The following NIPAL2 variants were observed in gnomAD, a reference collection of about 807,000 sequenced individuals.
NIPAL2 encodes the protein NIPA like domain containing 2, also known as NIPA-like protein 2.
In NIPAL2, 43 loss-of-function variants were observed where a neutral mutation model predicts 48.9. The ratio of observed to expected loss-of-function variants is 0.88; its 90% CI spans 0.69 to 1.13. NIPAL2 has a LOEUF of 1.13. NIPAL2 is among the 50% of genes most tolerant of loss of function. The pLI, the probability that NIPAL2 is intolerant of heterozygous loss-of-function variation, is 0.00. For missense variants in NIPAL2, 446 were observed against 461.4 expected (o/e 0.97, Z 0.31); for synonymous variants, 167 against 174.6 (o/e 0.96, Z 0.34).
At chr8:98,285,377 A>C (rs1035677213) in intron 1 of NIPAL2, among the ~76,000 whole-genome samples, 1 of 152,218 alleles carries the variant, frequency 6.6e-6, no homozygotes, top group African/African-American at 2.4e-5. Flanking sequence ...CTTTGGGAAC[A>C]CTAAGCCTGG....
intron 1 of NIPAL2, among the ~76,000 whole-genome samples, chr8:98,264,862 A>G (rs1814607548): frequency 6.6e-6 from 1 of 151,968 alleles, no homozygotes; most frequent in Admixed American, 6.6e-5. Context: ...GAGGCATCAC[A>G]CTACCTGACT....
intron 1 of NIPAL2, among the ~76,000 whole-genome samples, chr8:98,274,265 C>G (rs1815330072): frequency 6.6e-6 from 1 of 151,782 alleles, no homozygotes; most frequent in Non-Finnish European, 1.5e-5. Context: ...ATCTATCTAT[C>G]TATCTCTCTA....
At chr8:98,215,832 G>A (rs1811551075) in intron 5 of NIPAL2, among the ~76,000 whole-genome samples, 1 of 152,076 alleles carries the variant, frequency 6.6e-6, no homozygotes, top group Non-Finnish European at 1.5e-5. Flanking sequence ...TTTGATGTAA[G>A]CCTTGAAGGA....
chr8:98,206,776 CAAA>C (rs11290720), intron 6 of NIPAL2, among the ~76,000 whole-genome samples: 13 of 99,554 alleles, frequency 1.3e-4, no homozygotes, highest in East Asian at 2.9e-4. Flanking sequence ...GACTCTGTCT[CAAA>C]AAAAAAAAAA....
chr8:98,236,330 A>G (rs1812714096), intron 3 of NIPAL2, 116 bp from the exon 4 acceptor site: 1 of 615,964 alleles, frequency 1.6e-6, no homozygotes, highest in Non-Finnish European at 2.8e-6. Flanking sequence ...TGTCCTGATC[A>G]GAGACATTCA....
intron 5 of NIPAL2, among the ~76,000 whole-genome samples, chr8:98,213,619 C>G (rs1319040262): frequency 2.0e-5 from 3 of 150,246 alleles, no homozygotes; most frequent in Admixed American, 2.0e-4. Context: ...TTTTTTTTTT[C>G]CTAGTTCTTT....
intron 4 of NIPAL2, 108 bp from the exon 5 acceptor site, chr8:98,222,708 C>A (rs1415564327): frequency 7.4e-6 from 8 of 1,082,478 alleles, no homozygotes; most frequent in South Asian, 1.5e-5. Context: ...GCCAATCGCC[C>A]CTCCCTATTA....
intron 5 of NIPAL2, among the ~76,000 whole-genome samples, chr8:98,219,460 A>G (rs538054930): frequency 6.6e-6 from 1 of 152,278 alleles, no homozygotes; most frequent in Admixed American, 6.5e-5. Context: ...AGCAAGGAGG[A>G]CAGAGGTTCC....
intron 1 of NIPAL2, among the ~76,000 whole-genome samples, chr8:98,283,039 A>G (rs1017284915): frequency 1.3e-5 from 2 of 152,242 alleles, no homozygotes; most frequent in Non-Finnish European, 2.9e-5. Context: ...AACACAGTAC[A>G]TCATTGCTAT....
intron 6 of NIPAL2, among the ~76,000 whole-genome samples, chr8:98,208,950 A>AT (rs1811174335): frequency 6.6e-6 from 1 of 152,170 alleles, no homozygotes; most frequent in Non-Finnish European, 1.5e-5. Flanking sequence ...AAACGTACTA[A>AT]TGCTCATTTA....
chr8:98,280,038 C>G (rs891876810), intron 1 of NIPAL2, among the ~76,000 whole-genome samples: 1 of 152,156 alleles, frequency 6.6e-6, no homozygotes, highest in African/African-American at 2.4e-5. Context: ...CTTTTATTAG[C>G]CAGAATGATC....
chr8:98,264,884 T>C (rs887308899), intron 1 of NIPAL2, among the ~76,000 whole-genome samples: 8 of 151,770 alleles, frequency 5.3e-5, no homozygotes, highest in Admixed American at 4.6e-4. Context: ...CAAACTATAC[T>C]ACCAGGCTAC....
At chr8:98,253,928 G>T in intron 2 of NIPAL2, 91 bp downstream of exon 2, 1 of 695,314 alleles carries the variant, frequency 1.4e-6, no homozygotes, top group South Asian at 2.3e-5. Context: ...GGAGAAAAGA[G>T]CCACAAAGAC....
rs977716789 is a variant in NIPAL2, at chr8:98,240,648, A to G, written c.377-4434T>C. On this transcript the variant is annotated intron_variant, in intron 3 of 10. Coordinates refer to ENST00000430223, the MANE Select transcript of NIPAL2 (RefSeq NM_001321635.2). ...GCTGTCTTCAACTCATCCTTACTTCATTATTCTTAAGGAAATGCTCTATTG... is the reference window on the plus strand; with the variant it reads ...GCTGTCTTCAACTCATCCTTACTTCGTTATTCTTAAGGAAATGCTCTATTG... Among the ~76,000 whole-genome samples the G allele has an allele frequency of 5.3e-5, 8 of 152,298 alleles. No homozygotes were observed. The South Asian group carries it at 1.0e-3, about 20-fold the overall frequency.
Position 98,260,470 on chromosome 8 carries a change from C to T in NIPAL2, c.136-6383G>A, listed in dbSNP as rs1037923801. 1.2e-3 allele frequency among the ~76,000 whole-genome samples: 190 copies of T among 152,280 alleles called. 2 individuals carry two copies. Among genetic ancestry groups the T allele is most frequent in the African/African-American group, 3.6e-3 (151 of 41,560 alleles). ...GCGAGGCATTGCCTCACTTGGGAAGCGCAAGGGGTCAGGGAGTTCCCTTTC... is the reference window on the plus strand; with the variant it reads ...GCGAGGCATTGCCTCACTTGGGAAGTGCAAGGGGTCAGGGAGTTCCCTTTC... On this transcript the variant is annotated intron_variant, in intron 1 of 10. Transcript: ENST00000430223.
At chr8:98,281,363 G>A (rs1815820400) in intron 1 of NIPAL2, among the ~76,000 whole-genome samples, 1 of 152,030 alleles carries the variant, frequency 6.6e-6, no homozygotes, top group South Asian at 2.1e-4. Flanking sequence ...GGTAGGGGGC[G>A]GTGAGGTGGG....
chr8:98,239,732 A>G (rs919509077), intron 3 of NIPAL2, among the ~76,000 whole-genome samples: 1 of 152,184 alleles, frequency 6.6e-6, no homozygotes, highest in African/African-American at 2.4e-5. Context: ...AGTTTTATTT[A>G]TCTAGTAAAA....
intron 1 of NIPAL2, among the ~76,000 whole-genome samples, chr8:98,290,125 A>G (rs533457803): frequency 6.6e-6 from 1 of 152,348 alleles, no homozygotes; most frequent in East Asian, 1.9e-4. Flanking sequence ...GTGTCCTTAC[A>G]TGAGCAGTGA....
At chr8:98,193,479 T>C (rs1586279313) in intron 10 of NIPAL2, 1 of 1,488,778 alleles carries the variant, frequency 6.7e-7, no homozygotes, top group East Asian at 2.3e-5. Context: ...CTTCTAAAGC[T>C]ACTACGGAGC....
Sources: allele counts gnomAD v4.1 joint callset (sites outside exome capture counted in the v4.1 genomes callset), GRCh38; gene constraint gnomAD v4.1.1; transcripts MANE v1.5; gene names NCBI Gene and HGNC (gene_info 2026-07-23, HGNC 2026-07-21).